Variants in DMRT1 observed in about 807,000 individuals in gnomAD.
DMRT1 encodes doublesex and mab-3 related transcription factor 1, also known as doublesex- and mab-3-related transcription factor 1.
In DMRT1, 7 loss-of-function variants were observed where a neutral mutation model predicts 32.3. The ratio of observed to expected loss-of-function variants is 0.22; its 90% CI spans 0.12 to 0.41. The LOEUF is 0.41. Ranked by LOEUF, DMRT1 falls within the 10% of genes least tolerant of loss-of-function variation. The pLI is 1.00. For synonymous variants in DMRT1, 278 were observed against 206.1 expected (o/e 1.35, Z -2.99); for missense variants, 625 against 500.5 (o/e 1.25, Z -2.37).
chr9:865,789 C>T (rs184993294), intron 2 of DMRT1, among the ~76,000 whole-genome samples: 1 of 152,150 alleles, frequency 6.6e-6, no homozygotes, highest in South Asian at 2.1e-4. Context: ...AATATTTCCC[C>T]TTCTTTTCAT....
chr9:967,678 A>G (rs1432352887), intron 4 of DMRT1, among the ~76,000 whole-genome samples: 1 of 152,158 alleles, frequency 6.6e-6, no homozygotes, highest in Admixed American at 6.5e-5. Flanking sequence ...TGAAGGGTGG[A>G]AATAGTTTCC....
chr9:949,949 ATCTG>A (rs374604456), intron 4 of DMRT1, among the ~76,000 whole-genome samples: 41 of 152,318 alleles, frequency 2.7e-4, no homozygotes, highest in East Asian at 2.5e-3. Flanking sequence ...GTCCTTATTC[ATCTG>A]TCTGTCAGTG....
chr9:863,149 C>CCAA (rs1554745425), intron 2 of DMRT1, among the ~76,000 whole-genome samples: 7 of 98,292 alleles, frequency 7.1e-5, no homozygotes, highest in Admixed American at 1.3e-4. Flanking sequence ...CAGGTCTCTA[C>CCAA]AAAAAAAAAA....
chr9:864,930 A>G (rs1028051099), intron 2 of DMRT1, among the ~76,000 whole-genome samples: 2 of 152,208 alleles, frequency 1.3e-5, no homozygotes, highest in African/African-American at 4.8e-5. Flanking sequence ...CATTCATTAT[A>G]TAATAAACTG....
chr9:968,729 T>TA lies in DMRT1; in HGVS notation c.*599dup, dbSNP rs200234581. On this transcript the variant is annotated 3_prime_UTR_variant, in exon 5 of 5. Transcript: ENST00000382276. ...ATATAATCAGAAACATTAAAGCCTG[T>TA]AAAAAAAAATTGCTGCGTTTTTGGT... is the stretch of plus-strand genomic sequence containing the variant. 6.3e-3 allele frequency: 959 copies of TA among 152,104 alleles called. 9 individuals carry two copies. The highest frequency in any genetic ancestry group is 0.021 in the African/African-American group (862 of 41,294). 9.4% of individuals were successfully genotyped at this position (152,104 alleles called of 1,614,324 possible).
intron 2 of DMRT1, among the ~76,000 whole-genome samples, chr9:862,803 T>C (rs10815910): frequency 0.55 from 83,309 of 151,882 alleles, 23,695 homozygotes; most frequent in East Asian, 0.65. Flanking sequence ...ACTAGGTGGT[T>C]GGGGTTTTCC....
chr9:896,331 C>T (rs889916631), intron 3 of DMRT1, among the ~76,000 whole-genome samples: 1 of 142,816 alleles, frequency 7.0e-6, no homozygotes, highest in Admixed American at 7.0e-5. Flanking sequence ...CTCTGTCGCC[C>T]AGGCTGGTGC....
At chr9:876,538 T>TC (rs893756396) in intron 2 of DMRT1, among the ~76,000 whole-genome samples, 1 of 151,696 alleles carries the variant, frequency 6.6e-6, no homozygotes, top group Non-Finnish European at 1.5e-5. Flanking sequence ...CTTTTTTTTT[T>TC]TTAATCTATT....
At chr9:928,325 G>C (rs1240961670) in intron 4 of DMRT1, among the ~76,000 whole-genome samples, 2 of 152,152 alleles carry the variant, frequency 1.3e-5, no homozygotes, top group Non-Finnish European at 2.9e-5. Context: ...GGATTGTTAG[G>C]AGAGTCATTT....
At chr9:941,644 C>T (rs1819077464) in intron 4 of DMRT1, among the ~76,000 whole-genome samples, 1 of 151,956 alleles carries the variant, frequency 6.6e-6, no homozygotes, top group Non-Finnish European at 1.5e-5. Flanking sequence ...CCTGAATGAA[C>T]TTAATTGCTA....
rs369633389 is a variant in DMRT1 at position 871,677 on chromosome 9, T to C, written c.539-22235T>C. Reference sequence around the variant, plus strand: ...TTTTAGTAGAGACGGGGTTTCACCGTGTTAGCCAGGATGGTCTCAATCTCC... The same window carrying C: ...TTTTAGTAGAGACGGGGTTTCACCGCGTTAGCCAGGATGGTCTCAATCTCC... On this transcript the variant is annotated intron_variant, in intron 2 of 4. Transcript: ENST00000382276. 3.9e-4 allele frequency among the ~76,000 whole-genome samples: 58 copies of C among 149,872 alleles called. No individual in the cohort carries two copies. In the East Asian group the frequency reaches 9.4e-3, roughly 24 times the overall value.
chr9:869,343 GC>G (rs1816131383), intron 2 of DMRT1, among the ~76,000 whole-genome samples: 1 of 152,146 alleles, frequency 6.6e-6, no homozygotes, highest in Non-Finnish European at 1.5e-5. Flanking sequence ...ATCTACACTT[GC>G]ATTGTGAATA....
In DMRT1 at chr9:968,314, C is replaced by A; in HGVS notation, c.*175C>A. ...TAACACATTTGTAATACTTTAGGGT[C>A]CGTGACTACCATCTGCATGGTTTAA... On this transcript the variant is annotated 3_prime_UTR_variant, in exon 5 of 5. Transcript: ENST00000382276. The A allele has an allele frequency of 1.4e-6, 1 of 701,240 alleles. No homozygotes were observed. Among genetic ancestry groups the A allele is most frequent in the Non-Finnish European group, 2.4e-6 (1 of 422,308 alleles). The allele number at this position is 701,240 out of a possible 1,614,324, so 43.4% of individuals were successfully genotyped here.
intron 3 of DMRT1, among the ~76,000 whole-genome samples, chr9:916,270 T>G (rs1335318926): frequency 1.3e-5 from 2 of 152,172 alleles, no homozygotes; most frequent in Non-Finnish European, 2.9e-5. Flanking sequence ...GAGGGGACCT[T>G]AAGATAGAAA....
chr9:882,849 G>A (rs1450623602), intron 2 of DMRT1, among the ~76,000 whole-genome samples: 1 of 144,150 alleles, frequency 6.9e-6, no homozygotes, highest in Admixed American at 7.4e-5. Context: ...TCGGCTCACT[G>A]CCACCTCTGC....
chr9:900,551 T>C (rs1327363150), intron 3 of DMRT1, among the ~76,000 whole-genome samples: 2 of 151,836 alleles, frequency 1.3e-5, no homozygotes, highest in African/African-American at 4.8e-5. Context: ...GGTGGAGCCA[T>C]GGGAAGACAA....
At chr9:919,342 A>G (rs1818282685) in intron 4 of DMRT1, among the ~76,000 whole-genome samples, 1 of 151,168 alleles carries the variant, frequency 6.6e-6, no homozygotes, top group African/African-American at 2.4e-5. Context: ...TGTCATCTAA[A>G]AAAATGAACC....
At chr9:917,242 G>T (rs186375659) in intron 4 of DMRT1, among the ~76,000 whole-genome samples, 36 of 152,206 alleles carry the variant, frequency 2.4e-4, no homozygotes, top group African/African-American at 8.4e-4. Flanking sequence ...TATTTTTTGT[G>T]AAGTGAGTTT....
At chr9:846,849 C>G in intron 1 of DMRT1, 111 bp from the exon 2 acceptor site, 1 of 1,324,836 alleles carries the variant, frequency 7.5e-7, no homozygotes, top group Non-Finnish European at 1.1e-6. Flanking sequence ...GATTTTCAGA[C>G]CTCACCTCCA....
Sources: gnomAD v4.1 joint callset for allele counts (sites outside exome capture counted in the v4.1 genomes callset) on GRCh38, gnomAD v4.1.1 for gene constraint, MANE v1.5 for transcripts, NCBI Gene and HGNC (gene_info 2026-07-23, HGNC 2026-07-21) for gene names.